RALGAPA2: variants seen among roughly 807,000 people sequenced by gnomAD.
The protein encoded by RALGAPA2 is Ral GTPase activating protein catalytic subunit alpha 2.
In RALGAPA2, 139 loss-of-function variants were observed where a neutral mutation model predicts 230.4. The observed-to-expected ratio is 0.60, with a 90% CI of 0.53 to 0.69. The LOEUF is 0.69. Ranked by LOEUF, RALGAPA2 falls within the 30% of genes least tolerant of loss-of-function variation. RALGAPA2 has a pLI of 0.00. For synonymous variants in RALGAPA2, 847 were observed against 837.8 expected (o/e 1.01, Z -0.19); for missense variants, 2,163 against 2,276.0 (o/e 0.95, Z 1.01).
chr20:20,609,263 T>C (rs988544073), intron 14 of RALGAPA2, among the ~76,000 whole-genome samples: 2 of 152,202 alleles, frequency 1.3e-5, no homozygotes, highest in Admixed American at 6.5e-5. Context: ...CCTCCCAAAG[T>C]GCTGGGATTA....
At chr20:20,540,311 C>T (rs752644479) in intron 24 of RALGAPA2, among the ~76,000 whole-genome samples, 1 of 152,202 alleles carries the variant, frequency 6.6e-6, no homozygotes, top group Non-Finnish European at 1.5e-5. Flanking sequence ...AACCCACACA[C>T]TCATGTGCAA....
At chr20:20,693,078 T>C (rs1188112604) in intron 1 of RALGAPA2, among the ~76,000 whole-genome samples, 2 of 152,230 alleles carry the variant, frequency 1.3e-5, no homozygotes, top group Non-Finnish European at 2.9e-5. Context: ...ATTGTTTTCA[T>C]TTCTTTATTC....
intron 39 of RALGAPA2, among the ~76,000 whole-genome samples, chr20:20,393,668 CGT>C (rs2059644552): frequency 6.6e-6 from 1 of 152,160 alleles, no homozygotes; most frequent in Non-Finnish European, 1.5e-5. Context: ...GGAATCTCCA[CGT>C]GTTTACATAT....
intron 37 of RALGAPA2, among the ~76,000 whole-genome samples, chr20:20,440,649 C>T (rs1421781913): frequency 2.6e-5 from 4 of 152,200 alleles, no homozygotes; most frequent in Non-Finnish European, 5.9e-5. Flanking sequence ...TGGATTCTCG[C>T]CCCCGGCCAT....
chr20:20,550,314 C>T (rs12480443), intron 23 of RALGAPA2, among the ~76,000 whole-genome samples: 385 of 152,250 alleles, frequency 2.5e-3, no homozygotes, highest in Admixed American at 4.3e-3. Context: ...TGTATCCTTT[C>T]TCATAAGTAA....
intron 37 of RALGAPA2, among the ~76,000 whole-genome samples, chr20:20,455,280 G>A (rs893892560): frequency 1.3e-5 from 2 of 152,248 alleles, no homozygotes; most frequent in African/African-American, 2.4e-5. Flanking sequence ...AAAGGAAGGT[G>A]AGCGCTAGAG....
chr20:20,637,302 T>C (rs1422145881), intron 8 of RALGAPA2, 61 bp downstream of exon 8: 4 of 1,347,206 alleles, frequency 3.0e-6, no homozygotes, highest in Non-Finnish European at 4.0e-6. Context: ...AAGGTCACTT[T>C]GAAAGAGACT....
intron 37 of RALGAPA2, among the ~76,000 whole-genome samples, chr20:20,441,344 C>A (rs1247485167): frequency 1.3e-5 from 2 of 152,192 alleles, no homozygotes; most frequent in East Asian, 3.9e-4. Flanking sequence ...AGTTAGGGAA[C>A]TGCTGCCAAT....
chr20:20,525,593 T>C (rs941392161), intron 28 of RALGAPA2, among the ~76,000 whole-genome samples: 1 of 152,210 alleles, frequency 6.6e-6, no homozygotes, highest in African/African-American at 2.4e-5. Context: ...CCACTGGATG[T>C]ATAAGAACAG....
At chr20:20,464,126 G>C (rs1338253826) in intron 37 of RALGAPA2, among the ~76,000 whole-genome samples, 1 of 152,184 alleles carries the variant, frequency 6.6e-6, no homozygotes, top group Non-Finnish European at 1.5e-5. Flanking sequence ...TCCCGCAACA[G>C]ACCCTAGTGC....
chr20:20,581,670 T>A (rs1374696922), intron 20 of RALGAPA2, among the ~76,000 whole-genome samples: 1 of 152,224 alleles, frequency 6.6e-6, no homozygotes, highest in African/African-American at 2.4e-5. Flanking sequence ...TGTATAGTAT[T>A]ATTAGTCAAA....
chr20:20,534,517 G>T (rs1247944749), intron 26 of RALGAPA2, among the ~76,000 whole-genome samples: 2 of 151,250 alleles, frequency 1.3e-5, no homozygotes, highest in Admixed American at 6.6e-5. Context: ...GGTGAAACAG[G>T]CAAATTCCTA....
chr20:20,642,702 G>A (rs1293850276), intron 5 of RALGAPA2, among the ~76,000 whole-genome samples: 2 of 151,968 alleles, frequency 1.3e-5, no homozygotes, highest in African/African-American at 2.4e-5. Context: ...TAAAATAAGA[G>A]GGACAAAATA....
chr20:20,605,501 A>G (rs955535518), intron 14 of RALGAPA2, 89 bp from the exon 15 acceptor site: 5 of 965,666 alleles, frequency 5.2e-6, no homozygotes, highest in Admixed American at 2.8e-5. Flanking sequence ...TACTATTAAT[A>G]ACACAAATTT....
chr20:20,492,857 G>C (rs2062099815), intron 36 of RALGAPA2, among the ~76,000 whole-genome samples: 1 of 152,026 alleles, frequency 6.6e-6, no homozygotes, highest in Admixed American at 6.6e-5. Flanking sequence ...AATTAATCAA[G>C]ACAAAAAAAA....
intron 18 of RALGAPA2, among the ~76,000 whole-genome samples, chr20:20,585,180 A>C (rs80349932): frequency 0.017 from 2,536 of 152,338 alleles, 95 homozygotes; most frequent in East Asian, 0.15. Flanking sequence ...GTCAACTTAC[A>C]TCCATCCAAT....
At chr20:20,566,054 G>C (rs2064409253) in intron 23 of RALGAPA2, among the ~76,000 whole-genome samples, 1 of 152,234 alleles carries the variant, frequency 6.6e-6, no homozygotes, top group African/African-American at 2.4e-5. Flanking sequence ...TGTTCCAGCA[G>C]AGCCCACTGT....
At chr20:20,676,408 A>G in intron 2 of RALGAPA2, 120 bp from the exon 3 acceptor site, 1 of 634,768 alleles carries the variant, frequency 1.6e-6, no homozygotes, top group Non-Finnish European at 2.7e-6. Flanking sequence ...TATTCAAAAA[A>G]TAGCAAGAGG....
intron 37 of RALGAPA2, among the ~76,000 whole-genome samples, chr20:20,436,982 C>T (rs1470475787): frequency 6.6e-6 from 1 of 152,168 alleles, no homozygotes; most frequent in East Asian, 1.9e-4. Context: ...AACTAACTGA[C>T]GGGAGGCTCC....
Sources: gnomAD v4.1 joint callset for allele counts (sites outside exome capture counted in the v4.1 genomes callset) on GRCh38, gnomAD v4.1.1 for gene constraint, MANE v1.5 for transcripts, NCBI Gene and HGNC (gene_info 2026-07-23, HGNC 2026-07-21) for gene names.